The following CSMD1 variants were observed in gnomAD, a reference collection of about 807,000 sequenced individuals.
CSMD1 encodes CUB and Sushi multiple domains 1.
Under a neutral mutation model 417.5 loss-of-function variants are expected in CSMD1, and 213 were observed. The ratio of observed to expected loss-of-function variants is 0.51; its 90% confidence interval spans 0.46 to 0.57. The LOEUF (loss-of-function observed/expected upper bound fraction) is 0.57. Among genes scored for constraint, CSMD1 ranks in the 20% least tolerant of loss-of-function variants. CSMD1 has a pLI of 0.00. For missense variants in CSMD1, 6,923 were observed against 4,529.7 expected, an observed-to-expected ratio of 1.53 and a Z score of -15.17; for synonymous variants, 2,862 against 1,736.8, an observed-to-expected ratio of 1.65 and a Z score of -16.11.
intron 7 of CSMD1, among the ~76,000 whole-genome samples, chr8:3,647,391 T>TAAC (rs1269870654): frequency 6.7e-6 from 1 of 149,418 alleles, no homozygotes; most frequent in Non-Finnish European, 1.5e-5. Flanking sequence ...GAAAGAAATA[T>TAAC]AAAGAGAAAT....
At chr8:4,212,862 C>T (rs1306096965) in intron 3 of CSMD1, among the ~76,000 whole-genome samples, 1 of 149,182 alleles carries the variant, frequency 6.7e-6, no homozygotes, top group Non-Finnish European at 1.5e-5. Context: ...AGCTTTCCAT[C>T]CTACAGGAAG....
intron 3 of CSMD1, among the ~76,000 whole-genome samples, chr8:4,214,780 T>C (rs1257499130): frequency 6.6e-6 from 1 of 152,196 alleles, no homozygotes; most frequent in Non-Finnish European, 1.5e-5. Flanking sequence ...GTGATGCACA[T>C]TTCAAATGTA....
At chr8:4,664,632 C>T (rs1457410038) in intron 1 of CSMD1, among the ~76,000 whole-genome samples, 1 of 152,068 alleles carries the variant, frequency 6.6e-6, no homozygotes, top group African/African-American at 2.4e-5. Flanking sequence ...TTCAAGAGTT[C>T]TCAGATTGTC....
At position 3,772,431 on chromosome 8, in the gene CSMD1, A is replaced by G. The variant is rs1357465692; in HGVS notation, c.819-18389T>C. On this transcript the variant is annotated intron_variant, in intron 5 of 69. Coordinates refer to ENST00000635120, the MANE Select transcript of CSMD1 (RefSeq NM_033225.6). ...CATATATTTATATATACACATATAT[A>G]CATACATTTATATATACACATATAT... 4.4e-5 allele frequency among the ~76,000 whole-genome samples: 5 copies of G among 113,840 alleles called. 1 individual carries two copies. The highest frequency in any genetic ancestry group is 1.9e-4 in the African/African-American group (5 of 26,786). The allele number at this position is 113,840 out of a possible 152,430, so 74.7% of individuals were successfully genotyped here.
chr8:4,291,430 A>G (rs1313489379), intron 3 of CSMD1, among the ~76,000 whole-genome samples: 1 of 152,160 alleles, frequency 6.6e-6, no homozygotes, highest in Non-Finnish European at 1.5e-5. Flanking sequence ...CCTCCAAAGC[A>G]TGGTAGAATT....
chr8:4,303,420 CTG>C (rs1563419623), intron 3 of CSMD1, among the ~76,000 whole-genome samples: 42 of 92,326 alleles, frequency 4.5e-4, no homozygotes, highest in Admixed American at 6.2e-4. Context: ...GGGCAGGAAG[CTG>C]TTTTTTTTTT....
chr8:4,365,226 G>C (rs965386449), intron 3 of CSMD1, among the ~76,000 whole-genome samples: 1 of 152,062 alleles, frequency 6.6e-6, no homozygotes. Flanking sequence ...AAAGAGTTTT[G>C]TTAATGCTTA....
Position 3,561,229 on chromosome 8 carries a change from T to C in CSMD1, c.1344+13716A>G, listed in dbSNP as rs2116861305. ...CCTCTATGGAAAACAGTATGGAAGTTTCTCAAAGAACTAAAACTGGAACTC... is the reference window on the plus strand; with the variant it reads ...CCTCTATGGAAAACAGTATGGAAGTCTCTCAAAGAACTAAAACTGGAACTC... On this transcript the variant is annotated intron_variant, in intron 10 of 69. Coordinates refer to ENST00000635120, the MANE Select transcript of CSMD1 (RefSeq NM_033225.6). 1.3e-5 allele frequency among the ~76,000 whole-genome samples: 2 copies of C among 152,290 alleles called. 1 individual carries two copies. Among genetic ancestry groups the C allele is most frequent in the Middle Eastern group, 6.8e-3 (2 of 294 alleles).
chr8:4,767,469 C>A (rs934379828), intron 1 of CSMD1, among the ~76,000 whole-genome samples: 1 of 152,148 alleles, frequency 6.6e-6, no homozygotes, highest in African/African-American at 2.4e-5. Flanking sequence ...TGGGGCTCTG[C>A]CTCCCTCACC....
chr8:3,239,723 G>T (rs935786328), intron 26 of CSMD1, among the ~76,000 whole-genome samples: 1 of 152,220 alleles, frequency 6.6e-6, no homozygotes, highest in African/African-American at 2.4e-5. Flanking sequence ...GCCTTTGCTG[G>T]CGTGGGGCGA....
chr8:4,460,883 C>T (rs1194202036), intron 2 of CSMD1, among the ~76,000 whole-genome samples: 1 of 152,012 alleles, frequency 6.6e-6, no homozygotes, highest in Admixed American at 6.5e-5. Context: ...TAAATTCTTT[C>T]CAAAAATAGA....
chr8:3,092,620 T>G (rs1815019809), intron 47 of CSMD1, among the ~76,000 whole-genome samples: 1 of 152,214 alleles, frequency 6.6e-6, no homozygotes, highest in Non-Finnish European at 1.5e-5. Flanking sequence ...TTCACCTGTC[T>G]ATGGTATTTG....
Position 3,348,049 on chromosome 8 carries a change from G to A in CSMD1, c.3417C>T (p.Gly1139=), listed in dbSNP as rs751912116. 1 of 1,610,922 alleles carries A rather than the reference G, an allele frequency of 6.2e-7. No homozygotes were observed. Among genetic ancestry groups the A allele is most frequent in the South Asian group, 1.1e-5 (1 of 90,482 alleles). ...ECIYKIETEA[G]KGIHLRTRSF... The stretch of plus-strand genomic sequence containing the variant: ...TTCGTGTTCTAAGGTGGATGCCCTT[G>A]CCGGCTTCTGTTTCTATTTTATAGA... Residue 1139 remains glycine, a synonymous_variant, in exon 22 of 70, where the codon GGC becomes GGT. Coordinates refer to ENST00000635120, the MANE Select transcript of CSMD1 (RefSeq NM_033225.6).
At chr8:4,348,714 G>A (rs971773262) in intron 3 of CSMD1, among the ~76,000 whole-genome samples, 1 of 152,040 alleles carries the variant, frequency 6.6e-6, no homozygotes, top group Non-Finnish European at 1.5e-5. Flanking sequence ...TATACCAGGA[G>A]AATTTGATCT....
intron 1 of CSMD1, among the ~76,000 whole-genome samples, chr8:4,902,896 T>A (rs980194109): frequency 4.6e-5 from 7 of 151,490 alleles, no homozygotes; most frequent in African/African-American, 1.5e-4. Flanking sequence ...GCATGTATAT[T>A]TTTACACAAG....
intron 10 of CSMD1, among the ~76,000 whole-genome samples, chr8:3,512,400 G>A (rs1383009682): frequency 1.3e-5 from 2 of 152,068 alleles, no homozygotes; most frequent in Non-Finnish European, 2.9e-5. Context: ...TCTCCCCATA[G>A]ACAGGCTTTT....
At chr8:2,962,713 A>C (rs1770010607) in intron 60 of CSMD1, 74 bp from the exon 61 acceptor site, 2 of 1,445,754 alleles carry the variant, frequency 1.4e-6, no homozygotes, top group Non-Finnish European at 1.9e-6. Context: ...CTTGGTAACT[A>C]GTTTCTGTTA....
At chr8:3,324,606 C>G (rs1053291759) in intron 23 of CSMD1, among the ~76,000 whole-genome samples, 1 of 151,758 alleles carries the variant, frequency 6.6e-6, no homozygotes, top group Admixed American at 6.6e-5. Flanking sequence ...GAGTTTCCTT[C>G]CCCCCACCTT....
At chr8:3,436,574 T>A (rs980856456) in intron 12 of CSMD1, among the ~76,000 whole-genome samples, 4 of 152,192 alleles carry the variant, frequency 2.6e-5, no homozygotes, top group African/African-American at 9.7e-5. Flanking sequence ...ACCTTCTATA[T>A]CTTATAAATC....
Sources: allele counts gnomAD v4.1 joint callset (sites outside exome capture counted in the v4.1 genomes callset), GRCh38; gene constraint gnomAD v4.1.1; transcripts MANE v1.5; gene names NCBI Gene and HGNC (gene_info 2026-07-23, HGNC 2026-07-21).